The following CCSER1 variants were observed in gnomAD, a reference collection of about 807,000 sequenced individuals.
The protein encoded by CCSER1 is serine-rich coiled-coil domain-containing protein 1.
In CCSER1, 41 loss-of-function variants were observed where a neutral mutation model predicts 82.0. The ratio of observed to expected loss-of-function variants is 0.50; its 90% CI spans 0.39 to 0.65. The LOEUF (loss-of-function observed/expected upper bound fraction) is 0.65, where lower values mean the gene tolerates loss of function less well. CCSER1 is among the 30% of genes least tolerant of loss of function. The pLI, the probability that CCSER1 is intolerant of heterozygous loss-of-function variation, is 0.00. For missense variants in CCSER1, 1,119 were observed against 1,064.2 expected, an observed-to-expected ratio of 1.05 and a Z score of -0.72; for synonymous variants, 414 against 383.9, an observed-to-expected ratio of 1.08 and a Z score of -0.92.
At chr4:91,366,479 TATC>T (rs572661688) in intron 10 of CCSER1, among the ~76,000 whole-genome samples, 97 of 152,356 alleles carry the variant, frequency 6.4e-4, no homozygotes, top group African/African-American at 2.1e-3. Flanking sequence ...TAATTTTTAA[TATC>T]ATCAAATATT....
chr4:91,594,103 T>C (rs1764404842), intron 10 of CCSER1, among the ~76,000 whole-genome samples: 1 of 151,926 alleles, frequency 6.6e-6, no homozygotes, highest in Non-Finnish European at 1.5e-5. Flanking sequence ...GCGCAGAATC[T>C]GACATAATTA....
At chr4:90,470,334 TTTATGTCCTACATACCCAACACTG>T (rs1268132637) in intron 5 of CCSER1, among the ~76,000 whole-genome samples, 5 of 152,178 alleles carry the variant, frequency 3.3e-5, no homozygotes, top group African/African-American at 1.2e-4. Context: ...ATGGAAATTG[TTTATGTCCTACATACCCAACACTG>T]TTATTTTGAG....
intron 10 of CCSER1, among the ~76,000 whole-genome samples, chr4:91,141,307 C>A (rs1729006303): frequency 6.6e-6 from 1 of 152,086 alleles, no homozygotes; most frequent in South Asian, 2.1e-4. Flanking sequence ...GCACCTGCCA[C>A]CACCTGACTA....
At chr4:91,433,060 A>G (rs1034794745) in intron 10 of CCSER1, among the ~76,000 whole-genome samples, 1 of 152,202 alleles carries the variant, frequency 6.6e-6, no homozygotes, top group Non-Finnish European at 1.5e-5. Context: ...AATAAGTGAT[A>G]TAATAATATA....
intron 10 of CCSER1, among the ~76,000 whole-genome samples, chr4:91,115,297 T>C (rs1337890445): frequency 6.6e-6 from 1 of 152,156 alleles, no homozygotes; most frequent in Non-Finnish European, 1.5e-5. Context: ...ACTCCTGTCT[T>C]ATCAGAAAAG....
chr4:90,423,508 G>A (rs754881933), intron 4 of CCSER1, among the ~76,000 whole-genome samples: 20 of 152,112 alleles, frequency 1.3e-4, no homozygotes, highest in Non-Finnish European at 2.2e-4. Context: ...ACAGGTGTGA[G>A]CCACCGCTTC....
At chr4:90,237,686 G>T in intron 1 of CCSER1, among the ~76,000 whole-genome samples, 1 of 152,164 alleles carries the variant, frequency 6.6e-6, no homozygotes, top group East Asian at 1.9e-4. Context: ...TATGAAGCCA[G>T]TGTTGTCTGA....
At chr4:90,851,568 T>C (rs1015371205) in intron 8 of CCSER1, among the ~76,000 whole-genome samples, 17 of 146,886 alleles carry the variant, frequency 1.2e-4, no homozygotes, top group Admixed American at 7.6e-4. Context: ...TGGCTACTTA[T>C]AGAGCTTTTT....
At chr4:91,573,128 G>A (rs1230300089) in intron 10 of CCSER1, among the ~76,000 whole-genome samples, 2 of 152,194 alleles carry the variant, frequency 1.3e-5, no homozygotes, top group Admixed American at 6.5e-5. Flanking sequence ...TAGAGCAGTT[G>A]TGCTGTGCTG....
chr4:91,171,046 G>A (rs542865818), intron 10 of CCSER1, among the ~76,000 whole-genome samples: 2 of 152,288 alleles, frequency 1.3e-5, no homozygotes, highest in Admixed American at 6.5e-5. Flanking sequence ...GTCTTTGCAA[G>A]AGTGGATATC....
intron 6 of CCSER1, among the ~76,000 whole-genome samples, chr4:90,691,789 A>C (rs982144476): frequency 4.6e-5 from 7 of 151,694 alleles, no homozygotes; most frequent in African/African-American, 1.7e-4. Flanking sequence ...CATACGGATT[A>C]TTTCATCACC....
At chr4:90,737,981 G>T (rs887579193) in intron 7 of CCSER1, among the ~76,000 whole-genome samples, 12 of 151,956 alleles carry the variant, frequency 7.9e-5, no homozygotes, top group African/African-American at 2.2e-4. Flanking sequence ...TATGTGATAG[G>T]TTCTGATTCC....
At chr4:90,592,780 G>A (rs757362421) in intron 5 of CCSER1, among the ~76,000 whole-genome samples, 2 of 152,014 alleles carry the variant, frequency 1.3e-5, no homozygotes, top group Non-Finnish European at 1.5e-5. Flanking sequence ...ATCCTCTGAA[G>A]TCCCTAATAC....
chr4:90,422,882 C>T (rs1192085599), intron 4 of CCSER1, among the ~76,000 whole-genome samples: 1 of 152,110 alleles, frequency 6.6e-6, no homozygotes, highest in Admixed American at 6.5e-5. Flanking sequence ...TCTCAACAGC[C>T]TCAAAATGAC....
intron 9 of CCSER1, among the ~76,000 whole-genome samples, chr4:90,940,010 C>T (rs1731403262): frequency 6.6e-6 from 1 of 152,056 alleles, no homozygotes; most frequent in Non-Finnish European, 1.5e-5. Context: ...AATTAAAGCA[C>T]TCCCCTGATA....
At chr4:91,537,882 A>T (rs750773957) in intron 10 of CCSER1, among the ~76,000 whole-genome samples, 5 of 151,936 alleles carry the variant, frequency 3.3e-5, no homozygotes, top group Non-Finnish European at 5.9e-5. Flanking sequence ...TGATGAACTG[A>T]TATCTTTCCT....
At chr4:90,137,429 T>G (rs148267111) in intron 1 of CCSER1, among the ~76,000 whole-genome samples, 1 of 152,268 alleles carries the variant, frequency 6.6e-6, no homozygotes, top group Non-Finnish European at 1.5e-5. Flanking sequence ...CAATATAGTA[T>G]GAATTCTAGC....
chr4:90,300,985 C>T (rs1333818337), intron 1 of CCSER1, among the ~76,000 whole-genome samples: 1 of 151,972 alleles, frequency 6.6e-6, no homozygotes, highest in Non-Finnish European at 1.5e-5. Context: ...GCCACCATGC[C>T]TAGTTAATTA....
At chr4:90,453,427 A>C (rs1250454123) in intron 4 of CCSER1, among the ~76,000 whole-genome samples, 1 of 152,182 alleles carries the variant, frequency 6.6e-6, no homozygotes, top group African/African-American at 2.4e-5. Flanking sequence ...AAGGCCCTGA[A>C]TCTTCAGGTT....
Sources: allele counts gnomAD v4.1 joint callset (sites outside exome capture counted in the v4.1 genomes callset), GRCh38; gene constraint gnomAD v4.1.1; transcripts MANE v1.5; gene names NCBI Gene and HGNC (gene_info 2026-07-23, HGNC 2026-07-21).